AK7: variants seen among roughly 807,000 people sequenced by gnomAD.
The protein encoded by AK7 is adenylate kinase 7, also known as ATP-AMP transphosphorylase 7.
A neutral mutation model predicts 96.6 loss-of-function variants in AK7; 78 were observed. The ratio of observed to expected loss-of-function variants is 0.81; its 90% CI spans 0.67 to 0.97. AK7 has a LOEUF of 0.97. Among genes scored for constraint, AK7 ranks in the 50% least tolerant of loss-of-function variants. The pLI, the probability that AK7 is intolerant of heterozygous loss-of-function variation, is 0.00. For synonymous variants in AK7, 302 were observed against 317.2 expected (o/e 0.95, Z 0.51); for missense variants, 855 against 887.9 (o/e 0.96, Z 0.47).
chr14:96,412,489 A>G (rs1159643275), intron 4 of AK7, among the ~76,000 whole-genome samples: 2 of 150,820 alleles, frequency 1.3e-5, no homozygotes, highest in African/African-American at 4.9e-5. Context: ...CCGCCTCCCA[A>G]AGTGCTGGGG....
chr14:96,425,969 A>T (rs1257032406), intron 5 of AK7, among the ~76,000 whole-genome samples: 1 of 152,016 alleles, frequency 6.6e-6, no homozygotes, highest in Admixed American at 6.6e-5. Flanking sequence ...CAATTCAGCC[A>T]GTCTATGTCT....
chr14:96,468,073 C>CA (rs35563628), intron 12 of AK7, among the ~76,000 whole-genome samples: 21,625 of 79,166 alleles, frequency 0.27, 2,842 homozygotes, highest in East Asian at 0.59. Context: ...CCCGTCTCTA[C>CA]AAAAAAAAAA....
intron 7 of AK7, among the ~76,000 whole-genome samples, chr14:96,443,455 C>T (rs1893063848): frequency 1.3e-5 from 2 of 152,140 alleles, no homozygotes; most frequent in African/African-American, 4.8e-5. Context: ...TCTGCACTTC[C>T]CTGAGGTTCT....
chr14:96,483,181 G>A lies in AK7; in HGVS notation c.1936G>A (p.Val646Met), dbSNP rs116715264. ...AGCAGAACGCGAGCACCAGGAGGCC[G>A]TGGAGATGGCAGAGAAGATAGCTCG... ...EEAEREHQEAVEMAEKIARWE... is the reference protein window; with the variant it reads ...EEAEREHQEAMEMAEKIARWE... The change falls in exon 16 of 18, where the codon GTG becomes ATG. Residue 646 changes from valine (V) to methionine (M), a missense_variant. Physicochemically the swap from Val to Met is conservative, Grantham distance 21. Coordinates refer to ENST00000267584, the MANE Select transcript of AK7 (RefSeq NM_152327.5). The A allele has an allele frequency of 2.7e-4, 434 of 1,611,942 alleles. No individual in the cohort carries two copies. The highest frequency in any genetic ancestry group is 2.4e-3 in the East Asian group (107 of 44,840).
intron 16 of AK7, 82 bp from the exon 17 acceptor site, chr14:96,486,816 C>T: frequency 7.7e-7 from 1 of 1,291,476 alleles, no homozygotes. Context: ...AGCAGTGTCT[C>T]AATGCACTGT....
chr14:96,487,177 C>A, intron 17 of AK7, 121 bp downstream of exon 17: 2 of 966,832 alleles, frequency 2.1e-6, no homozygotes, highest in Non-Finnish European at 3.1e-6. Flanking sequence ...GAGTTAGAGA[C>A]CACCCTGCCA....
intron 15 of AK7, among the ~76,000 whole-genome samples, chr14:96,481,840 A>C (rs1336038203): frequency 6.6e-6 from 1 of 151,146 alleles, no homozygotes; most frequent in African/African-American, 2.4e-5. Context: ...AAGTAGCTGG[A>C]ACTACAGGTG....
chr14:96,436,588 T>A (rs1892647632), intron 5 of AK7, among the ~76,000 whole-genome samples: 1 of 152,170 alleles, frequency 6.6e-6, no homozygotes, highest in Non-Finnish European at 1.5e-5. Context: ...AAGGTTGCAG[T>A]GAGCCTAGAT....
chr14:96,458,007 A>G, intron 11 of AK7, 76 bp from the exon 12 acceptor site: 2 of 1,567,176 alleles, frequency 1.3e-6, no homozygotes, highest in Non-Finnish European at 1.7e-6. Context: ...TTTTTCCAGG[A>G]TCACCTGCCA....
chr14:96,418,620 G>A lies in AK7; in HGVS notation c.499-2202G>A, dbSNP rs569785910. 8.5e-5 allele frequency among the ~76,000 whole-genome samples: 13 copies of A among 152,250 alleles called. 1 individual carries two copies. The highest frequency in any genetic ancestry group is 2.9e-4 in the African/African-American group (12 of 41,538). On this transcript the variant is annotated intron_variant, in intron 4 of 17. Transcript: ENST00000267584. ...TGCAACCTCAGCCTCCCAGGTTCAA[G>A]CGATTCTCCTGCCTCAGCCTCCCGA...
intron 12 of AK7, among the ~76,000 whole-genome samples, chr14:96,465,442 G>A (rs1411767875): frequency 3.3e-5 from 5 of 150,652 alleles, no homozygotes; most frequent in African/African-American, 4.9e-5. Context: ...CAGCCTGGGC[G>A]ACAGAGCGAA....
chr14:96,432,631 C>G (rs1409634317), intron 5 of AK7, among the ~76,000 whole-genome samples: 3 of 152,014 alleles, frequency 2.0e-5, no homozygotes, highest in Admixed American at 6.6e-5. Flanking sequence ...TTTATTTCTC[C>G]TTCACTTACG....
chr14:96,482,764 A>G (rs1895567833), intron 15 of AK7, among the ~76,000 whole-genome samples: 1 of 152,192 alleles, frequency 6.6e-6, no homozygotes, highest in African/African-American at 2.4e-5. Flanking sequence ...AAATCAAGTC[A>G]TTGTTAGAAC....
At chr14:96,456,720 G>C (rs1340541961) in intron 11 of AK7, 1 of 349,038 alleles carries the variant, frequency 2.9e-6, no homozygotes, top group South Asian at 3.5e-5. Flanking sequence ...CAGCCTGTTG[G>C]ATGTGGCGCT....
chr14:96,442,913 C>G, intron 7 of AK7, 95 bp downstream of exon 7: 1 of 1,078,916 alleles, frequency 9.3e-7, no homozygotes, highest in South Asian at 1.3e-5. Flanking sequence ...GTGCTAAGAC[C>G]CTTACATGGA....
chr14:96,445,485 C>A (rs773192258), intron 7 of AK7, among the ~76,000 whole-genome samples: 1 of 151,988 alleles, frequency 6.6e-6, no homozygotes, highest in Admixed American at 6.6e-5. Flanking sequence ...CATAGTGAAA[C>A]CCTGTCTCTA....
At chr14:96,461,075 G>C (rs935085268) in intron 12 of AK7, among the ~76,000 whole-genome samples, 3 of 152,228 alleles carry the variant, frequency 2.0e-5, no homozygotes, top group African/African-American at 7.2e-5. Flanking sequence ...ATTTCCCAGA[G>C]GGGAAAGGAG....
intron 7 of AK7, among the ~76,000 whole-genome samples, chr14:96,444,836 G>A (rs1374458895): frequency 6.6e-6 from 1 of 151,924 alleles, no homozygotes; most frequent in Non-Finnish European, 1.5e-5. Context: ...TCCTGCCTCA[G>A]CCTCCCAAGT....
In AK7 at chr14:96,479,609, A is replaced by G. The variant is rs541212750; in HGVS notation, c.1753+947A>G. On this transcript the variant is annotated intron_variant, in intron 15 of 17. Coordinates refer to ENST00000267584, the MANE Select transcript of AK7 (RefSeq NM_152327.5). ...CTTGTTTCCTGTAAACACAGCTCTG[A>G]GCTTAGCACACAGCAAGCACTCATG... Among the ~76,000 whole-genome samples the G allele has an allele frequency of 9.9e-5, 15 of 152,178 alleles. No individual in the cohort carries two copies. In the South Asian group the frequency reaches 3.1e-3, roughly 32 times the overall value.
Sources: gnomAD v4.1 joint callset for allele counts (sites outside exome capture counted in the v4.1 genomes callset) on GRCh38, gnomAD v4.1.1 for gene constraint, MANE v1.5 for transcripts, NCBI Gene and HGNC (gene_info 2026-07-23, HGNC 2026-07-21) for gene names.